The following EDIL3 variants were observed in gnomAD, a reference collection of about 807,000 sequenced individuals.
EDIL3 encodes EGF-like repeat and discoidin I-like domain-containing protein 3.
A neutral mutation model predicts 67.4 loss-of-function variants in EDIL3; 37 were observed. That is an observed-to-expected ratio of 0.55 (90% confidence interval 0.42 to 0.72). The LOEUF is 0.72. EDIL3 is among the 30% of genes least tolerant of loss of function. The pLI, the probability that EDIL3 is intolerant of heterozygous loss-of-function variation, is 0.00. For missense variants in EDIL3, 527 were observed against 586.3 expected, an observed-to-expected ratio of 0.90 and a Z score of 1.04; for synonymous variants, 195 against 196.3, an observed-to-expected ratio of 0.99 and a Z score of 0.05.
intron 4 of EDIL3, among the ~76,000 whole-genome samples, chr5:84,174,040 G>A (rs903118249): frequency 3.9e-5 from 6 of 152,178 alleles, no homozygotes; most frequent in Non-Finnish European, 8.8e-5. Flanking sequence ...AGGAGCCAAA[G>A]GAAAGGAGAC....
At chr5:84,024,145 T>C (rs1245111177) in intron 9 of EDIL3, among the ~76,000 whole-genome samples, 7 of 152,166 alleles carry the variant, frequency 4.6e-5, no homozygotes, top group Non-Finnish European at 2.9e-5. Context: ...TCATTCTTAA[T>C]TGGCCTGATG....
At chr5:84,017,043 A>G in intron 9 of EDIL3, among the ~76,000 whole-genome samples, 1 of 152,220 alleles carries the variant, frequency 6.6e-6, no homozygotes, top group East Asian at 1.9e-4. Flanking sequence ...TCGTGTACAA[A>G]GTGGCAAGAA....
intron 4 of EDIL3, among the ~76,000 whole-genome samples, chr5:84,141,400 A>G (rs1051525105): frequency 6.0e-5 from 9 of 149,166 alleles, no homozygotes; most frequent in African/African-American, 2.0e-4. Context: ...GTTTCCAGGT[A>G]TAAACTCATG....
rs184167024 is a variant in EDIL3 at position 84,039,329 on chromosome 5, T to C, written c.1137+20971A>G. On this transcript the variant is annotated intron_variant, in intron 9 of 10. Coordinates refer to ENST00000296591, the MANE Select transcript of EDIL3 (RefSeq NM_005711.5). The stretch of plus-strand genomic sequence containing the variant: ...CTACTGAGTTGATCACCTGAATTTA[T>C]CTGTGGATCCAAAGGATTCATCTGA... Among the ~76,000 whole-genome samples the C allele has an allele frequency of 7.3e-3, 1,116 of 152,290 alleles. 18 individuals are homozygous for C. Among genetic ancestry groups the C allele is most frequent in the African/African-American group, 0.026 (1,072 of 41,556 alleles).
chr5:84,358,201 T>C (rs1042149981), intron 1 of EDIL3, among the ~76,000 whole-genome samples: 12 of 152,190 alleles, frequency 7.9e-5, no homozygotes, highest in African/African-American at 2.9e-4. Flanking sequence ...CCTGGTTTTC[T>C]CTAACTAATG....
chr5:84,189,905 C>G (rs1743542688), intron 3 of EDIL3, among the ~76,000 whole-genome samples: 1 of 151,804 alleles, frequency 6.6e-6, no homozygotes, highest in Non-Finnish European at 1.5e-5. Context: ...CTTTCAAAGA[C>G]TAAGAAAACT....
intron 4 of EDIL3, among the ~76,000 whole-genome samples, chr5:84,141,935 A>ATGTATATATG (rs1561443798): frequency 8.3e-6 from 1 of 120,814 alleles, no homozygotes; most frequent in Non-Finnish European, 1.7e-5. Flanking sequence ...ACATATATAT[A>ATGTATATATG]TATATATATA....
intron 9 of EDIL3, among the ~76,000 whole-genome samples, chr5:84,055,763 C>T (rs1746433682): frequency 6.6e-6 from 1 of 152,248 alleles, no homozygotes; most frequent in East Asian, 1.9e-4. Flanking sequence ...CAATGAGATA[C>T]CATCTCACAC....
intron 4 of EDIL3, among the ~76,000 whole-genome samples, chr5:84,157,939 T>C (rs896493788): frequency 6.6e-6 from 1 of 152,000 alleles, no homozygotes; most frequent in African/African-American, 2.4e-5. Flanking sequence ...TCGAAGGAGA[T>C]TTTTCTGAAA....
intron 4 of EDIL3, among the ~76,000 whole-genome samples, chr5:84,143,699 G>A (rs947938275): frequency 5.3e-5 from 8 of 151,922 alleles, no homozygotes; most frequent in Non-Finnish European, 8.8e-5. Flanking sequence ...TAGAGGAGGG[G>A]TTATCAAGAG....
intron 9 of EDIL3, among the ~76,000 whole-genome samples, chr5:84,043,377 T>C (rs1163839160): frequency 1.3e-5 from 2 of 152,212 alleles, no homozygotes; most frequent in Non-Finnish European, 2.9e-5. Context: ...TTTAGATAAT[T>C]TCAAATGCTT....
chr5:84,343,874 C>T (rs181904991), intron 1 of EDIL3, among the ~76,000 whole-genome samples: 169 of 152,176 alleles, frequency 1.1e-3, no homozygotes, highest in Non-Finnish European at 5.9e-4. Context: ...CTCCTGTCTG[C>T]ATTACCAAAA....
intron 3 of EDIL3, among the ~76,000 whole-genome samples, chr5:84,200,162 T>G (rs1285575934): frequency 2.0e-5 from 3 of 152,094 alleles, no homozygotes; most frequent in Non-Finnish European, 4.4e-5. Flanking sequence ...AAGATAACTC[T>G]AAAACCTTTC....
chr5:84,081,301 C>T (rs1251832823), intron 6 of EDIL3, among the ~76,000 whole-genome samples: 1 of 152,154 alleles, frequency 6.6e-6, no homozygotes, highest in Non-Finnish European at 1.5e-5. Flanking sequence ...GTGAACTGAA[C>T]TGGGGCTACA....
Position 83,954,725 on chromosome 5 carries a change from C to A in EDIL3, c.1293+8480G>T, listed in dbSNP as rs559483404. ...TAACACCACTAGTCAATGGTTACTG[C>A]ATACTTAAACTATCAAAATAATGAC... On this transcript the variant is annotated intron_variant, in intron 10 of 10. Transcript: ENST00000296591. Among the ~76,000 whole-genome samples, 4 of 151,866 alleles carry A rather than the reference C, an allele frequency of 2.6e-5. No homozygotes were observed. In the South Asian group the frequency reaches 8.3e-4, roughly 32 times the overall value.
intron 3 of EDIL3, among the ~76,000 whole-genome samples, chr5:84,186,964 G>C (rs995228636): frequency 6.6e-6 from 1 of 152,046 alleles, no homozygotes; most frequent in African/African-American, 2.4e-5. Flanking sequence ...CTAGGAGCTT[G>C]TGTTCTGATT....
chr5:83,943,699 T>G, intron 10 of EDIL3, 131 bp from the exon 11 acceptor site: 1 of 955,640 alleles, frequency 1.0e-6, no homozygotes, highest in Non-Finnish European at 1.5e-6. Context: ...CTTCAAAATA[T>G]ATTGCAGCTT....
intron 1 of EDIL3, among the ~76,000 whole-genome samples, chr5:84,257,217 T>C (rs578190424): frequency 6.6e-6 from 1 of 152,216 alleles, no homozygotes; most frequent in East Asian, 1.9e-4. Context: ...TCTGCTGCCC[T>C]CTCTAGATGA....
At chr5:84,195,305 A>G (rs1743683500) in intron 3 of EDIL3, among the ~76,000 whole-genome samples, 1 of 151,996 alleles carries the variant, frequency 6.6e-6, no homozygotes, top group East Asian at 1.9e-4. Flanking sequence ...TACTATAAAT[A>G]TTAGAGAAGT....
Sources: gnomAD v4.1 joint callset for allele counts (sites outside exome capture counted in the v4.1 genomes callset) on GRCh38, gnomAD v4.1.1 for gene constraint, MANE v1.5 for transcripts, NCBI Gene and HGNC (gene_info 2026-07-23, HGNC 2026-07-21) for gene names.